The following SLC9A9 variants were observed in gnomAD, a reference collection of about 807,000 sequenced individuals.
SLC9A9 encodes sodium/hydrogen exchanger 9.
SLC9A9 carries 62 observed loss-of-function variants against 77.8 expected under a neutral mutation model. That is an observed-to-expected ratio of 0.80 (90% confidence interval 0.65 to 0.98). The LOEUF is 0.98. SLC9A9 is among the 50% of genes least tolerant of loss of function. The pLI, the probability that SLC9A9 is intolerant of heterozygous loss-of-function variation, is 0.00. For synonymous variants in SLC9A9, 320 were observed against 283.5 expected (o/e 1.13, Z -1.29); for missense variants, 775 against 774.9 (o/e 1.00, Z 0.00).
At chr3:143,408,422 T>C (rs2034026046) in intron 12 of SLC9A9, among the ~76,000 whole-genome samples, 2 of 152,216 alleles carry the variant, frequency 1.3e-5, no homozygotes, top group South Asian at 2.1e-4. Flanking sequence ...GCAATGTTCA[T>C]AAGGCCTGTT....
intron 11 of SLC9A9, 129 bp downstream of exon 11, chr3:143,493,522 CAT>C: frequency 5.3e-6 from 4 of 751,484 alleles, no homozygotes; most frequent in Non-Finnish European, 9.2e-6. Flanking sequence ...GGAGAATCAG[CAT>C]AGTGTTAGGT....
At chr3:143,707,528 A>G (rs1934017161) in intron 4 of SLC9A9, among the ~76,000 whole-genome samples, 1 of 152,178 alleles carries the variant, frequency 6.6e-6, no homozygotes, top group Admixed American at 6.5e-5. Flanking sequence ...AAAATTTAAG[A>G]TAGCTTTGCC....
intron 14 of SLC9A9, among the ~76,000 whole-genome samples, chr3:143,342,822 A>G (rs765308019): frequency 7.9e-5 from 12 of 152,306 alleles, no homozygotes; most frequent in Non-Finnish European, 1.3e-4. Context: ...GTTCAACCTC[A>G]GGTGCAGGTG....
intron 13 of SLC9A9, among the ~76,000 whole-genome samples, chr3:143,380,551 C>T (rs1463113298): frequency 6.6e-6 from 1 of 152,204 alleles, no homozygotes; most frequent in Non-Finnish European, 1.5e-5. Context: ...ACATTACTGA[C>T]TATTCATTAT....
At chr3:143,431,507 G>T (rs1416064194) in intron 12 of SLC9A9, among the ~76,000 whole-genome samples, 5 of 146,714 alleles carry the variant, frequency 3.4e-5, no homozygotes, top group Admixed American at 6.8e-5. Flanking sequence ...TTTTGCGATG[G>T]AGTCTCGCTC....
At chr3:143,779,726 A>G (rs1310765321) in intron 4 of SLC9A9, among the ~76,000 whole-genome samples, 1 of 152,216 alleles carries the variant, frequency 6.6e-6, no homozygotes, top group Admixed American at 6.5e-5. Flanking sequence ...TGCCTATCCC[A>G]CATAGTTGTG....
chr3:143,588,894 A>G (rs1450785200), intron 6 of SLC9A9, among the ~76,000 whole-genome samples: 1 of 152,208 alleles, frequency 6.6e-6, no homozygotes, highest in East Asian at 1.9e-4. Flanking sequence ...CCTTTCTCCA[A>G]CTTTTCAATT....
chr3:143,813,889 A>G (rs2008935457), intron 2 of SLC9A9, among the ~76,000 whole-genome samples: 1 of 152,142 alleles, frequency 6.6e-6, no homozygotes, highest in Admixed American at 6.5e-5. Flanking sequence ...GTTTGCAGAG[A>G]CCTCAAGATT....
chr3:143,498,700 C>T (rs1282628137), intron 9 of SLC9A9, among the ~76,000 whole-genome samples: 1 of 152,022 alleles, frequency 6.6e-6, no homozygotes, highest in South Asian at 2.1e-4. Context: ...TTAACAGCAT[C>T]CCAGAATCAC....
chr3:143,812,530 C>T (rs1456713793), intron 2 of SLC9A9, among the ~76,000 whole-genome samples: 3 of 152,178 alleles, frequency 2.0e-5, no homozygotes, highest in African/African-American at 7.2e-5. Context: ...ATCTCTATGG[C>T]CTCACAACAC....
chr3:143,738,839 C>G lies in SLC9A9; in HGVS notation c.534-45532G>C, dbSNP rs116013018. 3.3e-3 allele frequency among the ~76,000 whole-genome samples: 503 copies of G among 152,288 alleles called. 5 individuals carry two copies. Among genetic ancestry groups the G allele is most frequent in the African/African-American group, 0.011 (472 of 41,560 alleles). On this transcript the variant is annotated intron_variant, in intron 4 of 15. Coordinates refer to ENST00000316549, the MANE Select transcript of SLC9A9 (RefSeq NM_173653.4). Reference sequence around the variant, plus strand: ...TTATTATAAAAGATGCAGCTCAGGACCAGCCAAATGAAAGAGATGCACAGG... The same window carrying G: ...TTATTATAAAAGATGCAGCTCAGGAGCAGCCAAATGAAAGAGATGCACAGG...
intron 9 of SLC9A9, among the ~76,000 whole-genome samples, chr3:143,500,934 T>C (rs1343518679): frequency 1.3e-5 from 2 of 150,340 alleles, no homozygotes; most frequent in Non-Finnish European, 2.9e-5. Context: ...GATAGATTGT[T>C]TGGAAAGATT....
At chr3:143,654,544 A>G (rs933820909) in intron 5 of SLC9A9, among the ~76,000 whole-genome samples, 6 of 152,226 alleles carry the variant, frequency 3.9e-5, no homozygotes, top group East Asian at 1.9e-4. Context: ...TCCTTTTTGG[A>G]TAGAGTTAAG....
intron 14 of SLC9A9, among the ~76,000 whole-genome samples, chr3:143,280,865 T>C (rs112881821): frequency 3.9e-5 from 6 of 152,314 alleles, no homozygotes; most frequent in African/African-American, 1.4e-4. Context: ...AAATACATTT[T>C]ACAATTGTTA....
At chr3:143,454,778 G>A (rs888091107) in intron 12 of SLC9A9, among the ~76,000 whole-genome samples, 3 of 152,134 alleles carry the variant, frequency 2.0e-5, no homozygotes, top group African/African-American at 4.8e-5. Context: ...ATTTCCTTGA[G>A]GTGTAAACTA....
At chr3:143,477,181 G>A (rs2035490783) in intron 11 of SLC9A9, among the ~76,000 whole-genome samples, 1 of 152,146 alleles carries the variant, frequency 6.6e-6, no homozygotes, top group Non-Finnish European at 1.5e-5. Flanking sequence ...CCAGTAAAAT[G>A]AGAGCAGAAA....
chr3:143,683,757 T>C (rs772611143), intron 5 of SLC9A9, among the ~76,000 whole-genome samples: 1 of 152,068 alleles, frequency 6.6e-6, no homozygotes, highest in Non-Finnish European at 1.5e-5. Context: ...CAAAGTATAT[T>C]TGTGTTTTAT....
At chr3:143,332,342 G>C (rs2031798458) in intron 14 of SLC9A9, among the ~76,000 whole-genome samples, 1 of 152,194 alleles carries the variant, frequency 6.6e-6, no homozygotes, top group Non-Finnish European at 1.5e-5. Context: ...CAAAGAAGAA[G>C]TATATTCACC....
At position 143,610,155 on chromosome 3, in the gene SLC9A9, T is replaced by C. The variant is rs560515824; in HGVS notation, c.756-31432A>G. On this transcript the variant is annotated intron_variant, in intron 6 of 15. Transcript: ENST00000316549. ...CGGAGTTTTCCTTTATTTATTTTTT[T>C]TTTATTTATTTGAGAAAAGGTCTCT... is the stretch of plus-strand genomic sequence containing the variant. Among the ~76,000 whole-genome samples, 12 of 152,220 alleles carry C rather than the reference T, an allele frequency of 7.9e-5. No homozygotes were observed. The East Asian group carries it at 2.3e-3, about 29-fold the overall frequency.
Sources: allele counts gnomAD v4.1 joint callset (sites outside exome capture counted in the v4.1 genomes callset), GRCh38; gene constraint gnomAD v4.1.1; transcripts MANE v1.5; gene names NCBI Gene and HGNC (gene_info 2026-07-23, HGNC 2026-07-21).